The following RPS6KC1 variants were observed in gnomAD, a reference collection of about 807,000 sequenced individuals.
The protein encoded by RPS6KC1 is ribosomal protein S6 kinase C1.
Under a neutral mutation model 103.8 loss-of-function variants are expected in RPS6KC1, and 54 were observed. The ratio of observed to expected loss-of-function variants is 0.52; its 90% CI spans 0.42 to 0.65. RPS6KC1 has a LOEUF of 0.65. RPS6KC1 is among the 30% of genes least tolerant of loss of function. RPS6KC1 has a pLI of 0.00. For missense variants in RPS6KC1, 1,151 were observed against 1,253.8 expected, an observed-to-expected ratio of 0.92 and a Z score of 1.24; for synonymous variants, 439 against 438.7, an observed-to-expected ratio of 1.00 and a Z score of -0.01.
chr1:213,756,124 C>T, the RPS6KC1 span, among the ~76,000 whole-genome samples: 1 of 152,350 alleles, frequency 6.6e-6, no homozygotes, highest in African/African-American at 2.4e-5. Flanking sequence ...AGGAAGAAAT[C>T]TTACCTGTGA....
chr1:213,299,615 A>G, the RPS6KC1 span, among the ~76,000 whole-genome samples: 3 of 151,676 alleles, frequency 2.0e-5, no homozygotes, highest in South Asian at 4.2e-4. Flanking sequence ...TCTAGTGGCC[A>G]CATTAAAAAT....
the RPS6KC1 span, among the ~76,000 whole-genome samples, chr1:213,835,439 G>A: frequency 1.3e-5 from 2 of 152,184 alleles, no homozygotes; most frequent in African/African-American, 4.8e-5. Context: ...TAATGGCTAC[G>A]CTGGGGATGG....
At chr1:213,410,683 T>G in the RPS6KC1 span, among the ~76,000 whole-genome samples, 1 of 152,026 alleles carries the variant, frequency 6.6e-6, no homozygotes, top group African/African-American at 2.4e-5. Flanking sequence ...CTTTAAGTCA[T>G]GGACACAGGC....
At chr1:213,312,883 A>T in the RPS6KC1 span, among the ~76,000 whole-genome samples, 1 of 152,214 alleles carries the variant, frequency 6.6e-6, no homozygotes, top group East Asian at 1.9e-4. Flanking sequence ...TTTTAGCTAC[A>T]ATAACACCAT....
the RPS6KC1 span, among the ~76,000 whole-genome samples, chr1:213,444,842 T>C: frequency 6.6e-6 from 1 of 152,188 alleles, no homozygotes; most frequent in East Asian, 1.9e-4. Context: ...CTTTTTAAAC[T>C]GCTTTATTAA....
the RPS6KC1 span, among the ~76,000 whole-genome samples, chr1:213,798,241 A>T: frequency 1.3e-5 from 2 of 152,248 alleles, no homozygotes; most frequent in African/African-American, 4.8e-5. Flanking sequence ...TAACTTCAAA[A>T]GGTGACCAAA....
intron 3 of RPS6KC1, among the ~76,000 whole-genome samples, chr1:213,081,471 C>T (rs965586407): frequency 6.6e-6 from 1 of 152,080 alleles, no homozygotes; most frequent in African/African-American, 2.4e-5. Flanking sequence ...CACACCAGGC[C>T]TCACCTTGAA....
the RPS6KC1 span, among the ~76,000 whole-genome samples, chr1:213,695,354 G>A: frequency 3.9e-5 from 6 of 152,178 alleles, no homozygotes; most frequent in Non-Finnish European, 5.9e-5. Flanking sequence ...ACTTTAAAAT[G>A]CCAGATGCGA....
At chr1:213,087,603 C>G (rs974631229) in intron 3 of RPS6KC1, among the ~76,000 whole-genome samples, 7 of 152,208 alleles carry the variant, frequency 4.6e-5, no homozygotes, top group African/African-American at 1.7e-4. Flanking sequence ...GGCTTGTCTT[C>G]CTTCTTCCAG....
rs563725841 is a variant in RPS6KC1 at position 213,121,613 on chromosome 1, C to G, written c.472+4203C>G. 2.0e-5 allele frequency among the ~76,000 whole-genome samples: 3 copies of G among 152,264 alleles called. No individual in the cohort carries two copies. The South Asian group carries it at 6.2e-4, about 32-fold the overall frequency. On this transcript the variant is annotated intron_variant, in intron 5 of 14. Coordinates refer to ENST00000366960, the MANE Select transcript of RPS6KC1 (RefSeq NM_012424.6). The stretch of plus-strand genomic sequence containing the variant: ...CCCAAATCGGTGCATATCAGTTGAG[C>G]TCCTTGACATATTTCTCTCACCTGT...
chr1:213,305,063 T>A, the RPS6KC1 span, among the ~76,000 whole-genome samples: 1 of 152,136 alleles, frequency 6.6e-6, no homozygotes, highest in Non-Finnish European at 1.5e-5. Flanking sequence ...CCAGAACCTG[T>A]CTTTGGGAAA....
At chr1:213,085,050 T>C (rs1477147526) in intron 3 of RPS6KC1, among the ~76,000 whole-genome samples, 1 of 152,260 alleles carries the variant, frequency 6.6e-6, no homozygotes, top group Admixed American at 6.5e-5. Flanking sequence ...TGGAAATTTA[T>C]TTTCTCACAG....
chr1:213,499,017 T>C, the RPS6KC1 span, among the ~76,000 whole-genome samples: 1 of 151,600 alleles, frequency 6.6e-6, no homozygotes, highest in Admixed American at 6.6e-5. Context: ...TGACCTCAGG[T>C]GATCCACCTG....
At chr1:213,104,743 C>CT (rs1340531256) in intron 4 of RPS6KC1, among the ~76,000 whole-genome samples, 174 bp downstream of exon 4, 3,707 of 134,294 alleles carry the variant, frequency 0.028, 156 homozygotes, top group African/African-American at 0.091. Flanking sequence ...GAAATTTATG[C>CT]TTTTTTTTTT....
the RPS6KC1 span, among the ~76,000 whole-genome samples, chr1:213,778,442 G>A: frequency 8.6e-3 from 1,301 of 152,160 alleles, 16 homozygotes; most frequent in African/African-American, 0.028. Context: ...TTCATACCTG[G>A]TTTCTCCTCC....
At chr1:213,553,938 G>A in the RPS6KC1 span, among the ~76,000 whole-genome samples, 1 of 152,000 alleles carries the variant, frequency 6.6e-6, no homozygotes, top group Non-Finnish European at 1.5e-5. Context: ...ACCTTTATAG[G>A]ATGCATAGTT....
the RPS6KC1 span, among the ~76,000 whole-genome samples, chr1:213,709,180 T>G: frequency 6.6e-6 from 1 of 152,206 alleles, no homozygotes; most frequent in Admixed American, 6.5e-5. Context: ...CGTCTGGTCC[T>G]GGGCTTTTTT....
chr1:213,724,127 G>A, the RPS6KC1 span, among the ~76,000 whole-genome samples: 12 of 152,052 alleles, frequency 7.9e-5, no homozygotes, highest in East Asian at 1.9e-4. Flanking sequence ...TTGCTCAGTC[G>A]CCCAGGCTGG....
chr1:213,165,406 G>GT (rs1303318311), intron 6 of RPS6KC1, among the ~76,000 whole-genome samples: 46 of 149,906 alleles, frequency 3.1e-4, no homozygotes, highest in African/African-American at 7.4e-4. Context: ...AATTTTGTGT[G>GT]TTTTTTTTGT....
Sources: allele counts gnomAD v4.1 joint callset (sites outside exome capture counted in the v4.1 genomes callset), GRCh38; gene constraint gnomAD v4.1.1; transcripts MANE v1.5; gene names NCBI Gene and HGNC (gene_info 2026-07-23, HGNC 2026-07-21).